The following RGS20 variants were observed in gnomAD, a reference collection of about 807,000 sequenced individuals.
RGS20 encodes the protein regulator of G protein signaling 20, also known as gz-selective GTPase-activating protein.
RGS20 carries 30 observed loss-of-function variants against 33.6 expected under a neutral mutation model. That is an observed-to-expected ratio of 0.89 (90% CI 0.67 to 1.21). The LOEUF (loss-of-function observed/expected upper bound fraction) is 1.21, where lower values mean the gene tolerates loss of function less well. RGS20 is among the 50% of genes most tolerant of loss of function. The pLI, the probability that RGS20 is intolerant of heterozygous loss-of-function variation, is 0.00. For missense variants in RGS20, 472 were observed against 502.4 expected, an observed-to-expected ratio of 0.94 and a Z score of 0.58; for synonymous variants, 208 against 197.9, an observed-to-expected ratio of 1.05 and a Z score of -0.43.
At chr8:53,926,115 CAGG>C (rs1813788675) in intron 2 of RGS20, among the ~76,000 whole-genome samples, 1 of 152,104 alleles carries the variant, frequency 6.6e-6, no homozygotes, top group Non-Finnish European at 1.5e-5. Context: ...GAGACTTGGA[CAGG>C]AGGATTGCTT....
Position 53,880,859 on chromosome 8 carries a change from G to A in RGS20, c.510+1257G>A. 5 of 1,430,482 alleles carry A rather than the reference G, an allele frequency of 3.5e-6. No homozygotes were observed. Among genetic ancestry groups the A allele is most frequent in the Admixed American group, 2.6e-5 (1 of 37,944 alleles). 88.6% of individuals were successfully genotyped at this position (1,430,482 alleles called of 1,614,324 possible). A position where few individuals can be genotyped will look rare whatever the true frequency, so the allele number is the denominator to read the frequency against. On this transcript the variant is annotated intron_variant, in intron 2 of 5. Transcript: ENST00000297313. ...CCGGCCGGGTAAAAGGAGTGAGGGG[G>A]CGGGGAGGAGGCAGAGCAAGGGGAG...
intron 1 of RGS20, among the ~76,000 whole-genome samples, chr8:53,854,631 A>G (rs1205265040): frequency 1.3e-5 from 2 of 152,228 alleles, no homozygotes; most frequent in South Asian, 2.1e-4. Flanking sequence ...ACTGCTGGAA[A>G]GGATGCAGAG....
chr8:53,914,488 T>G (rs1813430442), intron 2 of RGS20, among the ~76,000 whole-genome samples: 1 of 152,226 alleles, frequency 6.6e-6, no homozygotes, highest in Non-Finnish European at 1.5e-5. Flanking sequence ...TGTCACCTTT[T>G]ATCCATTCTT....
chr8:53,944,078 T>TAAAG (rs34523377), intron 3 of RGS20, among the ~76,000 whole-genome samples: 63,165 of 151,378 alleles, frequency 0.42, 14,976 homozygotes, highest in African/African-American at 0.65. Context: ...TTTTATAAAA[T>TAAAG]AGTGTTAAGA....
intron 2 of RGS20, among the ~76,000 whole-genome samples, chr8:53,921,971 C>T (rs1333456909): frequency 1.3e-5 from 2 of 151,984 alleles, no homozygotes; most frequent in African/African-American, 4.8e-5. Flanking sequence ...AATATGTATT[C>T]CACTGATGCA....
chr8:53,923,632 T>C (rs906442888), intron 2 of RGS20, among the ~76,000 whole-genome samples: 2 of 152,116 alleles, frequency 1.3e-5, no homozygotes, highest in Non-Finnish European at 2.9e-5. Context: ...AAATGATTGT[T>C]TTTTAATAAC....
At chr8:53,933,346 A>G (rs1178029388) in intron 2 of RGS20, among the ~76,000 whole-genome samples, 1 of 152,168 alleles carries the variant, frequency 6.6e-6, no homozygotes, top group East Asian at 1.9e-4. Flanking sequence ...CAATGAAAGG[A>G]AGCTAAGAAC....
intron 2 of RGS20, among the ~76,000 whole-genome samples, chr8:53,915,698 G>C (rs1240777459): frequency 6.6e-6 from 1 of 152,162 alleles, no homozygotes; most frequent in Non-Finnish European, 1.5e-5. Context: ...TGCTTTGCCA[G>C]GTTCTCCCCA....
chr8:53,927,804 A>G (rs1178580443), intron 2 of RGS20, among the ~76,000 whole-genome samples: 6 of 152,222 alleles, frequency 3.9e-5, no homozygotes, highest in Non-Finnish European at 2.9e-5. Context: ...GATGAAGGCA[A>G]AGGAGAAGAT....
chr8:53,854,123 T>C (rs1301666867), intron 1 of RGS20, among the ~76,000 whole-genome samples: 1 of 151,970 alleles, frequency 6.6e-6, no homozygotes, highest in Non-Finnish European at 1.5e-5. Flanking sequence ...CGGAGAACTA[T>C]AGAACTTTTA....
chr8:53,896,246 C>T (rs7821757), intron 2 of RGS20, among the ~76,000 whole-genome samples: 17,931 of 152,140 alleles, frequency 0.12, 3,230 homozygotes, highest in African/African-American at 0.39. Context: ...CACCACTGCA[C>T]TCCAACCTGT....
At position 53,958,255 on chromosome 8, in the gene RGS20, C is replaced by T. The variant is rs537336707; in HGVS notation, c.979-15C>T. ...TGAAGTCTCTAATACAGCTCCTACT[C>T]GTTTCTGTCGACAGGTGAGCTTAGA... On this transcript the variant is annotated splice_polypyrimidine_tract_variant and intron_variant, in intron 5 of 5. Coordinates refer to ENST00000297313, the MANE Select transcript of RGS20 (RefSeq NM_170587.4). 27 of 1,585,326 alleles carry T rather than the reference C, an allele frequency of 1.7e-5. No homozygotes were observed. Among genetic ancestry groups the T allele is most frequent in the East Asian group, 1.2e-4 (5 of 43,478 alleles).
At position 53,937,526 on chromosome 8, in the gene RGS20, G is replaced by A. The variant is rs1585940684; in HGVS notation, c.511-2050G>A. 2.6e-5 allele frequency among the ~76,000 whole-genome samples: 4 copies of A among 152,014 alleles called. No individual in the cohort carries two copies. In the East Asian group the frequency reaches 5.8e-4, roughly 22 times the overall value. ...AGCAATGGTAATAAAAGCAAAAATTGACAAATGGGATCTAATTAAACTAAA... is the reference window on the plus strand; with the variant it reads ...AGCAATGGTAATAAAAGCAAAAATTAACAAATGGGATCTAATTAAACTAAA... On this transcript the variant is annotated intron_variant, in intron 2 of 5. Transcript: ENST00000297313.
Position 53,879,384 on chromosome 8 carries a change from C to T in RGS20, c.292C>T (p.Pro98Ser). ...TCTCCGGCGACCCCCTCCCGAGGCT[C>T]CCCGGAGGCGCCTGGACTTCTCCCC... The change falls in exon 2 of 6, where the codon CCC becomes TCC. Residue 98 changes from proline (P) to serine (S), a missense_variant. Pro to Ser is a moderately conservative substitution (Grantham distance 74). Around this residue, in one of 3 missense-constraint regions of RGS20, gnomAD observed 319 missense variants for 283.4 expected, o/e 1.13. Transcript: ENST00000297313. 8.7e-6 allele frequency: 14 copies of T among 1,611,372 alleles called. No homozygotes were observed. Among genetic ancestry groups the T allele is most frequent in the Non-Finnish European group, 1.1e-5 (13 of 1,179,806 alleles).
At chr8:53,942,138 G>A (rs1814316139) in intron 3 of RGS20, among the ~76,000 whole-genome samples, 1 of 152,082 alleles carries the variant, frequency 6.6e-6, no homozygotes, top group South Asian at 2.1e-4. Flanking sequence ...TCAGGCATGG[G>A]GGCACATGCC....
intron 2 of RGS20, among the ~76,000 whole-genome samples, chr8:53,920,119 C>T (rs909301479): frequency 1.3e-5 from 2 of 152,182 alleles, no homozygotes; most frequent in Non-Finnish European, 2.9e-5. Flanking sequence ...AAGTGATCCA[C>T]CCACCTCAGC....
intron 2 of RGS20, among the ~76,000 whole-genome samples, chr8:53,918,782 A>G (rs548120771): frequency 6.6e-6 from 1 of 152,266 alleles, no homozygotes; most frequent in Admixed American, 6.5e-5. Flanking sequence ...TCGTATGGAC[A>G]TATCATATTT....
At chr8:53,891,604 G>A (rs907177610) in intron 2 of RGS20, among the ~76,000 whole-genome samples, 3 of 152,050 alleles carry the variant, frequency 2.0e-5, no homozygotes, top group African/African-American at 7.2e-5. Context: ...CTGGGTGACA[G>A]AGCAGGATTC....
chr8:53,948,049 T>G (rs1814573971), intron 4 of RGS20, among the ~76,000 whole-genome samples: 3 of 135,262 alleles, frequency 2.2e-5, no homozygotes, highest in Non-Finnish European at 1.5e-5. Context: ...ATATGCTATA[T>G]GTAGGATATA....
Sources: allele counts gnomAD v4.1 joint callset (sites outside exome capture counted in the v4.1 genomes callset), GRCh38; gene constraint gnomAD v4.1.1; regional missense constraint gnomAD v4.1.1; transcripts MANE v1.5; gene names NCBI Gene and HGNC (gene_info 2026-07-23, HGNC 2026-07-21).